SORBS2: variants seen among roughly 807,000 people sequenced by gnomAD.
SORBS2 encodes the protein sorbin and SH3 domain containing 2.
Under a neutral mutation model 97.7 loss-of-function variants are expected in SORBS2, and 46 were observed. That is an observed-to-expected ratio of 0.47 (90% CI 0.37 to 0.60). SORBS2 has a LOEUF of 0.60. SORBS2 is among the 20% of genes least tolerant of loss of function. The pLI, the probability that SORBS2 is intolerant of heterozygous loss-of-function variation, is 0.00. For synonymous variants in SORBS2, 476 were observed against 473.4 expected (o/e 1.01, Z -0.07); for missense variants, 1,316 against 1,282.3 (o/e 1.03, Z -0.40).
intron 1 of SORBS2, among the ~76,000 whole-genome samples, chr4:185,847,834 G>C (rs1046079649): frequency 1.3e-5 from 2 of 152,152 alleles, no homozygotes; most frequent in Non-Finnish European, 2.9e-5. Flanking sequence ...GGCTTCATCG[G>C]CAAGGATTGA....
At position 185,623,058 on chromosome 4, in the gene SORBS2, G is replaced by C; in HGVS notation, c.2071C>G (p.Leu691Val). The change falls in exon 7 of 15, where the codon CTC (leucine) becomes GTC (valine). Residue 691 changes from leucine to valine, a missense_variant. Physicochemically the swap from Leu to Val is conservative, Grantham distance 32. Transcript: ENST00000418609. This position sits in a 1 kb window ranked among gnomAD's most constrained non-coding sequence, Gnocchi z 6.4. Reference sequence around the variant, plus strand: ...GCACCATCGGGAGGCAGTGGGTGGAGAGGCTGGTGCAGGGGGCTCCTCCTC... The same window carrying C: ...GCACCATCGGGAGGCAGTGGGTGGACAGGCTGGTGCAGGGGGCTCCTCCTC... 41 of 1,614,198 alleles carry C rather than the reference G, an allele frequency of 2.5e-5. No homozygotes were observed. The highest frequency in any genetic ancestry group is 3.5e-5 in the Non-Finnish European group (41 of 1,180,044).
At chr4:185,614,933 C>T in exon 11 of SORBS2, 1 of 1,614,198 alleles carries the variant, frequency 6.2e-7, no homozygotes, top group Admixed American at 1.7e-5. Context: ...GTCTTGCAGG[C>T]TGTGCTTTCT....
intron 1 of SORBS2, among the ~76,000 whole-genome samples, chr4:185,863,836 TTTAA>T (rs1196455243): frequency 2.0e-5 from 3 of 152,206 alleles, no homozygotes; most frequent in East Asian, 1.9e-4. Context: ...ATTATAAGCC[TTTAA>T]TTTTCTCCCC....
At chr4:185,697,150 G>A (rs955263) in intron 2 of SORBS2, among the ~76,000 whole-genome samples, 50,290 of 151,970 alleles carry the variant, frequency 0.33, 9,063 homozygotes, top group East Asian at 0.49. Context: ...CGACTCCCCC[G>A]CTAGACAGCA....
chr4:185,828,455 C>G (rs879904103), intron 1 of SORBS2, among the ~76,000 whole-genome samples: 1 of 152,010 alleles, frequency 6.6e-6, no homozygotes, highest in South Asian at 2.1e-4. Flanking sequence ...GTAGCATCCA[C>G]TAAAATCATC....
exon 1 of SORBS2, chr4:185,656,695 G>A: frequency 6.5e-7 from 1 of 1,549,024 alleles, no homozygotes; most frequent in Non-Finnish European, 8.7e-7. Flanking sequence ...AGTGGACTTG[G>A]TCAGCCAGCT....
At chr4:185,698,872 T>C (rs1260504862) in intron 2 of SORBS2, among the ~76,000 whole-genome samples, 1 of 151,986 alleles carries the variant, frequency 6.6e-6, no homozygotes, top group African/African-American at 2.4e-5. Flanking sequence ...ATTGATTTTT[T>C]TTTTCTGAAA....
At chr4:185,653,806 T>G (rs1029248328) in intron 1 of SORBS2, among the ~76,000 whole-genome samples, 5 of 152,216 alleles carry the variant, frequency 3.3e-5, no homozygotes, top group Non-Finnish European at 7.3e-5. Flanking sequence ...CTTGGCAAGA[T>G]CTTACCCCAA....
At chr4:185,932,038 A>T (rs560615773) in intron 1 of SORBS2, among the ~76,000 whole-genome samples, 1 of 151,960 alleles carries the variant, frequency 6.6e-6, no homozygotes, top group African/African-American at 2.4e-5. Context: ...AGATATAGAT[A>T]CAGATATATA....
chr4:185,939,729 C>T (rs539542355), intron 1 of SORBS2, among the ~76,000 whole-genome samples: 1 of 152,116 alleles, frequency 6.6e-6, no homozygotes, highest in Non-Finnish European at 1.5e-5. Flanking sequence ...AGGCTGGTCT[C>T]GAACTCCCAA....
chr4:185,834,151 T>C (rs1413173325), intron 1 of SORBS2, among the ~76,000 whole-genome samples: 1 of 152,234 alleles, frequency 6.6e-6, no homozygotes, highest in African/African-American at 2.4e-5. Context: ...AGAGGTTTAA[T>C]TGGCTTGTGG....
chr4:185,717,128 T>C (rs912826318), intron 2 of SORBS2, among the ~76,000 whole-genome samples: 1 of 152,224 alleles, frequency 6.6e-6, no homozygotes, highest in Admixed American at 6.5e-5. Flanking sequence ...GAAGAGCTCG[T>C]GGCTGGCGTG....
chr4:185,633,940 G>A (rs1289720035), intron 4 of SORBS2, among the ~76,000 whole-genome samples: 1 of 152,058 alleles, frequency 6.6e-6, no homozygotes, highest in Non-Finnish European at 1.5e-5. Context: ...TTCTTGGGTT[G>A]TTCATATGTT....
At chr4:185,690,774 G>C (rs926777423) in intron 2 of SORBS2, among the ~76,000 whole-genome samples, 163 bp from the exon 4 acceptor site, 1 of 152,218 alleles carries the variant, frequency 6.6e-6, no homozygotes, top group African/African-American at 2.4e-5. Context: ...TTATAATTCT[G>C]TTCATGTTAA....
At chr4:185,841,936 T>C (rs560732755) in intron 1 of SORBS2, among the ~76,000 whole-genome samples, 4 of 152,248 alleles carry the variant, frequency 2.6e-5, no homozygotes, top group African/African-American at 9.6e-5. Flanking sequence ...GACGGTGAAT[T>C]AGAAAATTAA....
chr4:185,793,330 AC>A (rs1463663799), intron 1 of SORBS2, among the ~76,000 whole-genome samples: 3 of 152,190 alleles, frequency 2.0e-5, no homozygotes, highest in Admixed American at 1.3e-4. Context: ...TCTTTAGAAA[AC>A]AGTGAGCTCC....
intron 1 of SORBS2, among the ~76,000 whole-genome samples, chr4:185,905,016 A>C (rs1319450530): frequency 2.0e-5 from 3 of 152,132 alleles, no homozygotes; most frequent in Non-Finnish European, 4.4e-5. Context: ...AGGCAGGACA[A>C]TCGCTTGAAC....
intron 1 of SORBS2, among the ~76,000 whole-genome samples, chr4:185,879,420 T>C (rs1312758885): frequency 1.3e-5 from 2 of 152,126 alleles, no homozygotes; most frequent in East Asian, 3.8e-4. Flanking sequence ...AGTCTATCAT[T>C]GATGGACATT....
chr4:185,621,181 A>G (rs1217642909), intron 7 of SORBS2, among the ~76,000 whole-genome samples: 2 of 152,250 alleles, frequency 1.3e-5, no homozygotes, highest in Non-Finnish European at 2.9e-5. Context: ...GAAAGAATTT[A>G]AAGTGCTGAT....
Sources: gnomAD v4.1 joint callset for allele counts (sites outside exome capture counted in the v4.1 genomes callset) on GRCh38, gnomAD v4.1.1 for gene constraint, Gnocchi (gnomAD v3.1) non-coding constraint, MANE v1.5 for transcripts, NCBI Gene and HGNC (gene_info 2026-07-23, HGNC 2026-07-21) for gene names.